The following KLHL29 variants were observed in gnomAD, a reference collection of about 807,000 sequenced individuals.
KLHL29 encodes the protein kelch like family member 29, also known as kelch-like protein 29.
Under a neutral mutation model 80.4 loss-of-function variants are expected in KLHL29, and 21 were observed. The observed-to-expected ratio is 0.26, with a 90% CI of 0.19 to 0.38. KLHL29 has a LOEUF of 0.38. Among genes scored for constraint, KLHL29 ranks in the 10% least tolerant of loss-of-function variants. The probability of loss-of-function intolerance (pLI) is 1.00; values close to 1 mark genes in which losing one functional copy is unlikely to be tolerated. For missense variants in KLHL29, 867 were observed against 1,223.9 expected, an observed-to-expected ratio of 0.71 and a Z score of 4.35; for synonymous variants, 511 against 526.8, an observed-to-expected ratio of 0.97 and a Z score of 0.41.
At chr2:23,573,979 C>T (rs1340489758) in intron 3 of KLHL29, among the ~76,000 whole-genome samples, 1 of 152,088 alleles carries the variant, frequency 6.6e-6, no homozygotes, top group Middle Eastern at 3.2e-3. Context: ...GCTGGGCAGG[C>T]CTTGAATATA....
chr2:23,650,614 G>A (rs1195613046), intron 5 of KLHL29, among the ~76,000 whole-genome samples: 1 of 152,204 alleles, frequency 6.6e-6, no homozygotes, highest in Non-Finnish European at 1.5e-5. Context: ...AGACCTCCTT[G>A]ATTCTCAGGG....
intron 2 of KLHL29, among the ~76,000 whole-genome samples, chr2:23,546,173 G>A (rs1572392065): frequency 6.6e-6 from 1 of 152,302 alleles, no homozygotes; most frequent in East Asian, 1.9e-4. Context: ...CCTGAGGCTG[G>A]GCTCTGTGCA....
chr2:23,571,350 G>T lies in KLHL29; in HGVS notation c.285+8869G>T, dbSNP rs542860980. Among the ~76,000 whole-genome samples, 6 of 152,370 alleles carry T rather than the reference G, an allele frequency of 3.9e-5. 1 individual carries two copies. In the South Asian group the frequency reaches 1.2e-3, roughly 32 times the overall value. On this transcript the variant is annotated intron_variant, in intron 3 of 13. Coordinates refer to ENST00000486442, the MANE Select transcript of KLHL29 (RefSeq NM_052920.2). ...TGGAGAATGAGCCAGGCCTGACAAA[G>T]TGACCTCGTGGTCTGTAGTGGGCAT...
chr2:23,586,650 C>T (rs1051144000), intron 3 of KLHL29, among the ~76,000 whole-genome samples: 2 of 152,092 alleles, frequency 1.3e-5, no homozygotes, highest in Non-Finnish European at 2.9e-5. Context: ...CATGAGCCAC[C>T]GCGCCCGGCC....
chr2:23,635,333 C>G (rs932857885), intron 3 of KLHL29, among the ~76,000 whole-genome samples: 10 of 152,196 alleles, frequency 6.6e-5, no homozygotes, highest in Non-Finnish European at 1.2e-4. Context: ...ACCTGCGGCC[C>G]TACACACCTT....
At chr2:23,585,111 T>C (rs1360118942) in intron 3 of KLHL29, among the ~76,000 whole-genome samples, 1 of 152,236 alleles carries the variant, frequency 6.6e-6, no homozygotes, top group East Asian at 1.9e-4. Context: ...AGGAAACGGC[T>C]GTCAGATTGG....
intron 1 of KLHL29, among the ~76,000 whole-genome samples, chr2:23,470,019 A>G (rs2103434407): frequency 6.6e-6 from 1 of 152,182 alleles, no homozygotes; most frequent in African/African-American, 2.4e-5. Context: ...TGTATCAAAA[A>G]AAAAAAAAAG....
At position 23,475,940 on chromosome 2, in the gene KLHL29, C is replaced by T. The variant is rs189882510; in HGVS notation, c.-46+273C>T. On this transcript the variant is annotated intron_variant, in intron 2 of 13. Transcript: ENST00000486442. ...TCCAGCCCAGGCTGGAGCGCAGTGGCGCAATCTTGGCTCACTGCAACCTCT... is the reference window on the plus strand; with the variant it reads ...TCCAGCCCAGGCTGGAGCGCAGTGGTGCAATCTTGGCTCACTGCAACCTCT... Among the ~76,000 whole-genome samples, 8 of 152,276 alleles carry T rather than the reference C, an allele frequency of 5.3e-5. No individual in the cohort carries two copies. In the East Asian group the frequency reaches 5.8e-4, roughly 11 times the overall value.
intron 3 of KLHL29, among the ~76,000 whole-genome samples, chr2:23,592,581 G>T (rs1558400955): frequency 6.6e-6 from 1 of 152,236 alleles, no homozygotes; most frequent in African/African-American, 2.4e-5. Flanking sequence ...TGCAGCCTGG[G>T]TCTCCTCTGA....
rs1471629264 is a variant in KLHL29, at chr2:23,562,460, T to C, written c.264T>C (p.Ser88=). Residue 88 remains serine, a synonymous_variant, in exon 3 of 14, where the codon TCT becomes TCC. Coordinates refer to ENST00000486442, the MANE Select transcript of KLHL29 (RefSeq NM_052920.2). The surrounding 1 kb of genome is among the most constrained non-coding windows in gnomAD (Gnocchi z 4.5). ...CCATCACCAGCCTCGTGGCCAGCTC[T>C]GCGTCTGCGGTCACCACCAAGGTAA... The part of the protein sequence containing the change: ...SEAITSLVAS[S]ASAVTTKAPG... The C allele has an allele frequency of 6.5e-6, 10 of 1,536,250 alleles. No individual in the cohort carries two copies. Among genetic ancestry groups the C allele is most frequent in the Non-Finnish European group, 8.7e-6 (10 of 1,146,758 alleles).
chr2:23,455,009 G>GGC (rs1553325763), intron 1 of KLHL29, among the ~76,000 whole-genome samples: 1 of 96,054 alleles, frequency 1.0e-5, no homozygotes, highest in Non-Finnish European at 1.8e-5. Context: ...GTTGGGGGGG[G>GGC]GGCATTTATT....
intron 3 of KLHL29, among the ~76,000 whole-genome samples, chr2:23,630,968 C>T (rs1390682436): frequency 6.6e-6 from 1 of 152,228 alleles, no homozygotes; most frequent in Non-Finnish European, 1.5e-5. Context: ...CTGTTTATGG[C>T]TTGCGTCCTC....
At chr2:23,574,055 G>T (rs1048561950) in intron 3 of KLHL29, among the ~76,000 whole-genome samples, 1 of 152,146 alleles carries the variant, frequency 6.6e-6, no homozygotes, top group African/African-American at 2.4e-5. Flanking sequence ...TTTGAACCTG[G>T]GCTGGGAAGT....
intron 5 of KLHL29, among the ~76,000 whole-genome samples, chr2:23,654,278 A>C (rs532445032): frequency 2.2e-4 from 34 of 152,222 alleles, no homozygotes; most frequent in African/African-American, 7.5e-4. Flanking sequence ...GAGAGCCAGA[A>C]CCTGGCCCAG....
rs985638176 is a variant in KLHL29, at chr2:23,669,886, G to C, written c.941-14513G>C. 3.9e-5 allele frequency among the ~76,000 whole-genome samples: 6 copies of C among 152,126 alleles called. No individual in the cohort carries two copies. The highest frequency in any genetic ancestry group is 1.2e-4 in the African/African-American group (5 of 41,420). On this transcript the variant is annotated intron_variant, in intron 5 of 13. Coordinates refer to ENST00000486442, the MANE Select transcript of KLHL29 (RefSeq NM_052920.2). The surrounding 1 kb of genome is among the most constrained non-coding windows in gnomAD (Gnocchi z 4.3). ...GTGGTATTATCACAGAATCTGGTAG[G>C]TTCTGCTTCCAAGAAAAACAGACTG...
intron 3 of KLHL29, among the ~76,000 whole-genome samples, chr2:23,633,764 T>TGTGTGTGC (rs1669533647): frequency 1.3e-5 from 2 of 150,618 alleles, no homozygotes; most frequent in African/African-American, 4.9e-5. Flanking sequence ...CTCGTGTGTG[T>TGTGTGTGC]GTGTGTGTGT....
intron 5 of KLHL29, among the ~76,000 whole-genome samples, chr2:23,658,058 G>A (rs1488558717): frequency 6.6e-6 from 1 of 151,900 alleles, no homozygotes; most frequent in Non-Finnish European, 1.5e-5. Context: ...CCCTTTCTCT[G>A]TCCCTTCTCC....
intron 2 of KLHL29, among the ~76,000 whole-genome samples, chr2:23,551,045 A>G (rs978335772): frequency 6.6e-6 from 1 of 152,244 alleles, no homozygotes; most frequent in African/African-American, 2.4e-5. Flanking sequence ...AGCCACGAGA[A>G]CAAGCAGTTA....
Position 23,680,718 on chromosome 2 carries a change from GGT to G in KLHL29, c.941-3680_941-3679del, listed in dbSNP as rs1384913544. 3.3e-5 allele frequency among the ~76,000 whole-genome samples: 5 copies of G among 151,748 alleles called. No individual in the cohort carries two copies. The highest frequency in any genetic ancestry group is 2.1e-4 in the South Asian group (1 of 4,798). On this transcript the variant is annotated intron_variant, in intron 5 of 13. Transcript: ENST00000486442. This position sits in a 1 kb window ranked among gnomAD's most constrained non-coding sequence, Gnocchi z 4.1. ...GGGTCTCTAGGCCATCTTCCCCTGG[GGT>G]CTCTAGGCCATCTTCCCCTGGGGTC... is the stretch of plus-strand genomic sequence containing the variant.
Sources: gnomAD v4.1 joint callset for allele counts (sites outside exome capture counted in the v4.1 genomes callset) on GRCh38, gnomAD v4.1.1 for gene constraint, Gnocchi (gnomAD v3.1) non-coding constraint, MANE v1.5 for transcripts, NCBI Gene and HGNC (gene_info 2026-07-23, HGNC 2026-07-21) for gene names.